Variants in MYOF observed in about 807,000 individuals in gnomAD.
MYOF encodes the protein fer-1-like 3, myoferlin.
Under a neutral mutation model 284.2 loss-of-function variants are expected in MYOF, and 244 were observed. That is an observed-to-expected ratio of 0.86 (90% confidence interval 0.77 to 0.95). The LOEUF is 0.95. Among genes scored for constraint, MYOF ranks in the 40% least tolerant of loss-of-function variants. The pLI, the probability that MYOF is intolerant of heterozygous loss-of-function variation, is 0.00. For synonymous variants in MYOF, 904 were observed against 919.7 expected, an observed-to-expected ratio of 0.98 and a Z score of 0.31; for missense variants, 2,496 against 2,560.6, an observed-to-expected ratio of 0.97 and a Z score of 0.54.
chr10:93,422,798 AAAAAT>A (rs527671626), intron 5 of MYOF, among the ~76,000 whole-genome samples: 137 of 152,284 alleles, frequency 9.0e-4, no homozygotes, highest in Middle Eastern at 3.4e-3. Context: ...TCCATCTCAA[AAAAAT>A]AAAATAAAAT....
intron 26 of MYOF, 62 bp downstream of exon 26, chr10:93,366,330 T>C: frequency 6.6e-7 from 1 of 1,522,232 alleles, no homozygotes; most frequent in Non-Finnish European, 9.0e-7. Flanking sequence ...TATAATATAT[T>C]TAGCAATTTC....
chr10:93,376,622 G>C (rs1845849089), intron 22 of MYOF, among the ~76,000 whole-genome samples: 1 of 152,146 alleles, frequency 6.6e-6, no homozygotes, highest in Non-Finnish European at 1.5e-5. Flanking sequence ...GGGAATAAAG[G>C]CCTTTTTGCT....
At position 93,351,569 on chromosome 10, in the gene MYOF, G is replaced by T; in HGVS notation, c.3666C>A (p.Gly1222=). ...TGCTTCGTCCTAAAAATTCATCTTT[G>T]CCCTAGAGAAACAAAGTGATCCTTA... ...IMELFDNDQV[G]KDEFLGRSIF... The change falls in exon 34 of 54, where the codon GGC becomes GGA. Residue 1222 remains glycine (G), a splice_region_variant and synonymous_variant. Coordinates refer to ENST00000359263, the MANE Select transcript of MYOF (RefSeq NM_013451.4). The T allele has an allele frequency of 2.5e-6, 4 of 1,613,906 alleles. No homozygotes were observed. The highest frequency in any genetic ancestry group is 3.4e-6 in the Non-Finnish European group (4 of 1,179,942).
intron 44 of MYOF, 68 bp downstream of exon 44, chr10:93,329,596 G>T: frequency 6.4e-7 from 1 of 1,553,904 alleles, no homozygotes; most frequent in Non-Finnish European, 8.8e-7. Context: ...AAGGTAGAGG[G>T]CCTAGGCCTC....
At chr10:93,448,577 G>A (rs956754472) in intron 3 of MYOF, among the ~76,000 whole-genome samples, 2 of 152,188 alleles carry the variant, frequency 1.3e-5, no homozygotes, top group Admixed American at 6.5e-5. Flanking sequence ...TGCTAAAATA[G>A]ATAAGGCATA....
intron 23 of MYOF, among the ~76,000 whole-genome samples, chr10:93,374,240 T>C (rs1005868069): frequency 7.2e-5 from 11 of 152,204 alleles, no homozygotes; most frequent in African/African-American, 2.7e-4. Flanking sequence ...ATGTGCCACA[T>C]TTTCTTAATC....
intron 4 of MYOF, 41 bp from the exon 5 acceptor site, chr10:93,426,199 G>A (rs1466879345): frequency 2.6e-6 from 4 of 1,540,470 alleles, no homozygotes; most frequent in Middle Eastern, 1.8e-4. Flanking sequence ...TCAGTGCAGG[G>A]CACCAGCATG....
At chr10:93,395,776 C>T (rs1165205536) in intron 16 of MYOF, among the ~76,000 whole-genome samples, 2 of 151,446 alleles carry the variant, frequency 1.3e-5, no homozygotes, top group African/African-American at 4.9e-5. Context: ...GGGTCAATGC[C>T]ACTCTAAAAA....
intron 22 of MYOF, among the ~76,000 whole-genome samples, chr10:93,375,589 T>A (rs1005948769): frequency 9.8e-5 from 15 of 152,348 alleles, no homozygotes; most frequent in Admixed American, 7.2e-4. Flanking sequence ...GTCCTCCTAT[T>A]TTCAAATGTG....
At chr10:93,334,790 CAA>C (rs1843520218) in intron 41 of MYOF, among the ~76,000 whole-genome samples, 1 of 152,148 alleles carries the variant, frequency 6.6e-6, no homozygotes, top group Non-Finnish European at 1.5e-5. Context: ...CAAAAGAACT[CAA>C]AGACTCCCGT....
In MYOF at chr10:93,334,002, G is replaced by A. The variant is rs1238069454; in HGVS notation, c.4564-89C>T. On this transcript the variant is annotated intron_variant, in intron 41 of 53. Coordinates refer to ENST00000359263, the MANE Select transcript of MYOF (RefSeq NM_013451.4). ...AGTCCCCTCCTCCGCCAGGGGTGTG[G>A]GATTGAAGGATGGAAGGCTGCCTTT... 10 of 1,322,408 alleles carry A rather than the reference G, an allele frequency of 7.6e-6. No homozygotes were observed. The East Asian group carries it at 2.3e-4, about 30-fold the overall frequency. 81.9% of individuals were successfully genotyped at this position (1,322,408 alleles called of 1,614,324 possible).
In MYOF at chr10:93,449,049, A is replaced by G. The variant is rs927166414; in HGVS notation, c.236+3001T>C. Among the ~76,000 whole-genome samples the G allele has an allele frequency of 2.0e-5, 3 of 152,028 alleles. No homozygotes were observed. In the East Asian group the frequency reaches 5.8e-4, roughly 30 times the overall value. On this transcript the variant is annotated intron_variant, in intron 3 of 53. Coordinates refer to ENST00000359263, the MANE Select transcript of MYOF (RefSeq NM_013451.4). ...AGAGGTCTGAAGTTTTAAGCCCAGG[A>G]TCTGAAACCATCCTGTCCAATATGG...
In MYOF at chr10:93,310,553, G is replaced by A. The variant is rs756031105; in HGVS notation, c.5980C>T (p.Pro1994Ser). The A allele has an allele frequency of 1.7e-5, 27 of 1,613,472 alleles. No individual in the cohort carries two copies. Among genetic ancestry groups the A allele is most frequent in the Non-Finnish European group, 2.1e-5 (25 of 1,179,786 alleles). The stretch of plus-strand genomic sequence containing the variant: ...TCTCACTTTGGTAAGTCCAGCTTGG[G>A]GTTCATGTTGGGTTCGTCCCGCCCC... ...GKGRDEPNMN[P>S]KLDLPNRPET... Residue 1994 changes from proline to serine, a missense_variant, in exon 52 of 54, where the codon CCC (proline) becomes TCC (serine). Pro to Ser is a moderately conservative substitution (Grantham distance 74). This residue lies in a region of MYOF where 2,436 missense variants were observed against 2,480.7 expected (regional missense o/e 0.98). Coordinates refer to ENST00000359263, the MANE Select transcript of MYOF (RefSeq NM_013451.4).
chr10:93,394,099 TATTC>T (rs1846833206), intron 16 of MYOF, among the ~76,000 whole-genome samples: 1 of 152,152 alleles, frequency 6.6e-6, no homozygotes, highest in African/African-American at 2.4e-5. Flanking sequence ...TTTATTTGTT[TATTC>T]ATTCATTTAT....
At chr10:93,396,585 G>A (rs1378540584) in intron 15 of MYOF, among the ~76,000 whole-genome samples, 2 of 152,152 alleles carry the variant, frequency 1.3e-5, no homozygotes, top group Non-Finnish European at 2.9e-5. Flanking sequence ...TGTACAGAGA[G>A]GCCAAGAGAT....
At chr10:93,481,857 T>C (rs1401152874) in intron 1 of MYOF, among the ~76,000 whole-genome samples, 2 of 152,206 alleles carry the variant, frequency 1.3e-5, no homozygotes, top group Admixed American at 6.5e-5. Flanking sequence ...AAATACGTTT[T>C]CTGCCAAGAG....
At chr10:93,409,853 G>A (rs1847826157) in intron 5 of MYOF, 114 bp from the exon 6 acceptor site, 3 of 1,326,094 alleles carry the variant, frequency 2.3e-6, no homozygotes, top group Non-Finnish European at 3.1e-6. Context: ...TGTTCCTAAA[G>A]TGGCAGGTGA....
intron 4 of MYOF, among the ~76,000 whole-genome samples, chr10:93,427,356 C>A (rs1243206145): frequency 6.6e-6 from 1 of 151,438 alleles, no homozygotes; most frequent in African/African-American, 2.4e-5. Context: ...CACAGTAAAA[C>A]CCCATCTCTA....
rs774322591 is a variant in MYOF, at chr10:93,328,784, C to G, written c.5110G>C (p.Asp1704His). ...DGSRIRYGGRDYSLDEFEANK... is the reference protein window; with the variant it reads ...DGSRIRYGGRHYSLDEFEANK... ...TCACCAAATTCATCCAAGCTGTAGT[C>G]TCGTCCTCCATATCTGATTCTACTC... Residue 1704 changes from aspartate to histidine, a missense_variant, in exon 45 of 54, where the codon GAC becomes CAC. By Grantham distance (81) the Asp-to-His change is moderately conservative (BLOSUM62 -1). Coordinates refer to ENST00000359263, the MANE Select transcript of MYOF (RefSeq NM_013451.4). 4.3e-6 allele frequency: 7 copies of G among 1,612,880 alleles called. No homozygotes were observed. In the East Asian group the frequency reaches 1.6e-4, roughly 36 times the overall value.
Sources: gnomAD v4.1 joint callset for allele counts (sites outside exome capture counted in the v4.1 genomes callset) on GRCh38, gnomAD v4.1.1 for gene constraint, gnomAD v4.1.1 regional missense constraint, MANE v1.5 for transcripts, NCBI Gene and HGNC (gene_info 2026-07-23, HGNC 2026-07-21) for gene names.